Variants in KCTD1 observed in about 807,000 individuals in gnomAD.
KCTD1 encodes the protein BTB/POZ domain-containing protein KCTD1.
In KCTD1, 24 loss-of-function variants were observed where a neutral mutation model predicts 66.0. The observed-to-expected ratio is 0.36, with a 90% CI of 0.26 to 0.51. The LOEUF (loss-of-function observed/expected upper bound fraction) is 0.51, where lower values mean the gene tolerates loss of function less well. KCTD1 is among the 20% of genes least tolerant of loss of function. KCTD1 has a pLI of 0.95. For synonymous variants in KCTD1, 511 were observed against 517.2 expected (o/e 0.99, Z 0.16); for missense variants, 943 against 1,205.2 (o/e 0.78, Z 3.22).
At chr18:26,573,165 C>G (rs923938131) in intron 1 of KCTD1, among the ~76,000 whole-genome samples, 3 of 152,020 alleles carry the variant, frequency 2.0e-5, no homozygotes, top group Non-Finnish European at 2.9e-5. Context: ...CTAGTTTCAC[C>G]TATAACCTCA....
intron 1 of KCTD1, among the ~76,000 whole-genome samples, chr18:26,523,090 G>T (rs1344458944): frequency 4.6e-5 from 7 of 151,702 alleles, no homozygotes; most frequent in African/African-American, 1.5e-4. Flanking sequence ...TTTTTCCATG[G>T]TGATGTTGTA....
chr18:26,541,792 T>C (rs911150132), intron 1 of KCTD1, among the ~76,000 whole-genome samples: 9 of 152,170 alleles, frequency 5.9e-5, no homozygotes, highest in African/African-American at 2.2e-4. Flanking sequence ...TTTGCTGTAG[T>C]GTATCTCGAA....
At chr18:26,610,904 A>C (rs772999084) in intron 1 of KCTD1, among the ~76,000 whole-genome samples, 24 of 151,918 alleles carry the variant, frequency 1.6e-4, no homozygotes, top group Non-Finnish European at 3.1e-4. Flanking sequence ...ACTGAGTATG[A>C]GCAATTTGAC....
intron 3 of KCTD1, among the ~76,000 whole-genome samples, chr18:26,465,021 G>GT (rs889097287): frequency 2.6e-5 from 4 of 152,334 alleles, no homozygotes; most frequent in Non-Finnish European, 4.4e-5. Context: ...GGCCACTGCA[G>GT]TTTTTTCAGT....
At chr18:26,460,918 T>C (rs1010006102) in intron 3 of KCTD1, 1 of 152,186 alleles carries the variant, frequency 6.6e-6, no homozygotes, top group Non-Finnish European at 1.5e-5. Flanking sequence ...CACAATCATT[T>C]CTGGGTGTAA....
intron 2 of KCTD1, among the ~76,000 whole-genome samples, chr18:26,489,722 C>T (rs543890885): frequency 3.3e-5 from 5 of 152,290 alleles, no homozygotes; most frequent in East Asian, 1.9e-4. Flanking sequence ...GCCTAGCATA[C>T]GCATAGCATA....
intron 1 of KCTD1, chr18:26,657,342 C>G: frequency 5.1e-6 from 5 of 985,428 alleles, no homozygotes; most frequent in Non-Finnish European, 6.0e-6. Context: ...ATAACAAACC[C>G]AAACCGTCAG....
At chr18:26,539,619 C>T (rs1023968024) in intron 1 of KCTD1, among the ~76,000 whole-genome samples, 8 of 152,202 alleles carry the variant, frequency 5.3e-5, no homozygotes, top group Non-Finnish European at 1.0e-4. Context: ...GTCTGCAGTA[C>T]AACAAGATGG....
chr18:26,554,870 G>T lies in KCTD1; in HGVS notation c.-15-53620C>A, dbSNP rs189221094. ...CCATCTCTCATTGTTATAATATTCT[G>T]ATCATGAAACTTCACTTGGTTAATA... On this transcript the variant is annotated intron_variant, in intron 1 of 4. Coordinates refer to the KCTD1 transcript ENST00000317932. 2.6e-5 allele frequency among the ~76,000 whole-genome samples: 4 copies of T among 152,228 alleles called. No individual in the cohort carries two copies. The East Asian group carries it at 7.7e-4, about 29-fold the overall frequency.
chr18:26,536,965 A>G (rs1598926431), intron 1 of KCTD1, among the ~76,000 whole-genome samples: 1 of 151,492 alleles, frequency 6.6e-6, no homozygotes, highest in Non-Finnish European at 1.5e-5. Flanking sequence ...GATCATTACC[A>G]CCCCCACCAC....
chr18:26,573,081 G>T (rs1261435717), intron 1 of KCTD1, among the ~76,000 whole-genome samples: 1 of 151,656 alleles, frequency 6.6e-6, no homozygotes. Context: ...GAGTGCAATG[G>T]CAATAACCCC....
chr18:26,554,014 G>A (rs1985641057), intron 1 of KCTD1, among the ~76,000 whole-genome samples: 1 of 146,318 alleles, frequency 6.8e-6, no homozygotes, highest in South Asian at 2.2e-4. Flanking sequence ...AAAAAGAAAA[G>A]AAGATGAAAG....
chr18:26,555,821 T>C (rs910528514), intron 1 of KCTD1, among the ~76,000 whole-genome samples: 3 of 152,220 alleles, frequency 2.0e-5, no homozygotes, highest in African/African-American at 7.2e-5. Context: ...ATAATGATAG[T>C]GAAATAAACG....
chr18:26,548,636 C>T, upstream of KCTD1: 1 of 1,143,144 alleles, frequency 8.7e-7, no homozygotes, highest in Non-Finnish European at 1.1e-6. Context: ...TACCGGGAGG[C>T]AAAGCCGGGC....
chr18:26,628,588 G>A (rs932467843), intron 1 of KCTD1, among the ~76,000 whole-genome samples: 1 of 152,008 alleles, frequency 6.6e-6, no homozygotes, highest in Non-Finnish European at 1.5e-5. Context: ...AAAAAAAAGT[G>A]TCTGAGTGAT....
At chr18:26,561,561 C>T (rs551071749) in intron 1 of KCTD1, among the ~76,000 whole-genome samples, 106 of 152,300 alleles carry the variant, frequency 7.0e-4, no homozygotes, top group Non-Finnish European at 6.5e-4. Flanking sequence ...CTTCTTACCA[C>T]GCCCACCTTC....
intron 1 of KCTD1, among the ~76,000 whole-genome samples, chr18:26,656,248 G>C (rs751201849): frequency 1.5e-3 from 225 of 152,122 alleles, no homozygotes; most frequent in Middle Eastern, 3.4e-3. Context: ...CGCAGCGCCG[G>C]GAAGAGGCGA....
At position 26,525,088 on chromosome 18, in the gene KCTD1, C is replaced by T. The variant is rs139384987; in HGVS notation, c.1809+21640G>A. Among the ~76,000 whole-genome samples, 821 of 152,292 alleles carry T rather than the reference C, an allele frequency of 5.4e-3. 5 individuals carry two copies. The highest frequency in any genetic ancestry group is 0.019 in the African/African-American group (787 of 41,550). On this transcript the variant is annotated intron_variant, in intron 1 of 4. Transcript: ENST00000580059. ...CTAACTGCCAATCCCCAACACCTTC[C>T]TTTGATGAGGGCAGGGCAGAATGAT...
chr18:26,504,847 C>T (rs147013549), intron 1 of KCTD1, among the ~76,000 whole-genome samples: 66 of 152,300 alleles, frequency 4.3e-4, no homozygotes, highest in Non-Finnish European at 8.1e-4. Flanking sequence ...CTGGAGCTGA[C>T]ACTTTCTCAA....
Sources: gnomAD v4.1 joint callset for allele counts (sites outside exome capture counted in the v4.1 genomes callset) on GRCh38, gnomAD v4.1.1 for gene constraint, MANE v1.5 for transcripts, NCBI Gene and HGNC (gene_info 2026-07-23, HGNC 2026-07-21) for gene names.